The following RNF144B variants were observed in gnomAD, a reference collection of about 807,000 sequenced individuals.
RNF144B encodes ring finger protein 144B, also known as E3 ubiquitin-protein ligase RNF144B.
A neutral mutation model predicts 40.2 loss-of-function variants in RNF144B; 25 were observed. The observed-to-expected ratio is 0.62, with a 90% CI of 0.45 to 0.87. The LOEUF is 0.87. RNF144B is among the 40% of genes least tolerant of loss of function. The pLI, the probability that RNF144B is intolerant of heterozygous loss-of-function variation, is 0.00. For missense variants in RNF144B, 365 were observed against 373.7 expected (o/e 0.98, Z 0.19); for synonymous variants, 145 against 136.3 (o/e 1.06, Z -0.44).
intron 2 of RNF144B, among the ~76,000 whole-genome samples, chr6:18,421,107 G>A (rs1795249151): frequency 6.6e-6 from 1 of 151,784 alleles, no homozygotes; most frequent in Non-Finnish European, 1.5e-5. Flanking sequence ...ATACAAAATA[G>A]CCTGGCATGG....
Position 18,410,814 on chromosome 6 carries a change from T to A in RNF144B, c.165+11115T>A, listed in dbSNP as rs755342033. On this transcript the variant is annotated intron_variant, in intron 2 of 7. Transcript: ENST00000259939. This position sits in a 1 kb window ranked among gnomAD's most constrained non-coding sequence, Gnocchi z 4.6. Reference sequence around the variant, plus strand: ...AGGCTGGAGCAGGAGGAGGGAACCATGGCAGGCTGAAGCAGAGCTCGGAGA... The same window carrying A: ...AGGCTGGAGCAGGAGGAGGGAACCAAGGCAGGCTGAAGCAGAGCTCGGAGA... Among the ~76,000 whole-genome samples, 1 of 152,150 alleles carries A rather than the reference T, an allele frequency of 6.6e-6. No homozygotes were observed. The highest frequency in any genetic ancestry group is 1.5e-5 in the Non-Finnish European group (1 of 68,028).
intron 1 of RNF144B, among the ~76,000 whole-genome samples, chr6:18,394,372 G>T (rs995682179): frequency 3.3e-5 from 5 of 152,124 alleles, no homozygotes; most frequent in African/African-American, 4.8e-5. Flanking sequence ...GGCCGAGGTG[G>T]GCGGATCATG....
At chr6:18,408,895 T>G (rs1213496234) in intron 2 of RNF144B, among the ~76,000 whole-genome samples, 1 of 152,072 alleles carries the variant, frequency 6.6e-6, no homozygotes, top group Non-Finnish European at 1.5e-5. Flanking sequence ...TGAATTATTA[T>G]TTTTCTTCTG....
chr6:18,405,177 GTTA>G lies in RNF144B; in HGVS notation c.165+5487_165+5489del, dbSNP rs1562041964. Among the ~76,000 whole-genome samples, 1 of 53,192 alleles carries G rather than the reference GTTA, an allele frequency of 1.9e-5. No homozygotes were observed. Among genetic ancestry groups the G allele is most frequent in the Non-Finnish European group, 4.2e-5 (1 of 24,002 alleles). The allele number at this position is 53,192 out of a possible 152,430, so 34.9% of individuals were successfully genotyped here. A position where few individuals can be genotyped will look rare whatever the true frequency, so the allele number is the denominator to read the frequency against. On this transcript the variant is annotated intron_variant, in intron 2 of 7. Coordinates refer to ENST00000259939, the MANE Select transcript of RNF144B (RefSeq NM_182757.4). This position sits in a 1 kb window ranked among gnomAD's most constrained non-coding sequence, Gnocchi z 4.5. ...TATTATTATTATTATTATTATTATTGTTATTATTATTTTTGAGATGGAGTCTTG... is the reference window on the plus strand; with the variant it reads ...TATTATTATTATTATTATTATTATTGTTATTATTTTTGAGATGGAGTCTTG...
chr6:18,387,451 C>G lies in RNF144B; in HGVS notation c.-216C>G. ...CTCCGCCTCCTCCCGACCCGTAGGT[C>G]TGGGAGCGCAAGTCCTGTTGCAGTC... is the stretch of plus-strand genomic sequence containing the variant. On this transcript the variant is annotated 5_prime_UTR_variant, in exon 1 of 8. Coordinates refer to ENST00000259939, the MANE Select transcript of RNF144B (RefSeq NM_182757.4). 3 of 1,237,578 alleles carry G rather than the reference C, an allele frequency of 2.4e-6. No individual in the cohort carries two copies. Among genetic ancestry groups the G allele is most frequent in the Non-Finnish European group, 3.1e-6 (3 of 959,050 alleles). The allele number at this position is 1,237,578 out of a possible 1,614,324, so 76.7% of individuals were successfully genotyped here.
chr6:18,405,370 T>C lies in RNF144B; in HGVS notation c.165+5671T>C, dbSNP rs1794882714. The stretch of plus-strand genomic sequence containing the variant: ...TTTTGTATTTTTAGTTGAGTTGGGG[T>C]TTCACTATGTAGGTCAGGCTGGTCT... On this transcript the variant is annotated intron_variant, in intron 2 of 7. Transcript: ENST00000259939. This position sits in a 1 kb window ranked among gnomAD's most constrained non-coding sequence, Gnocchi z 4.5. 6.6e-6 allele frequency among the ~76,000 whole-genome samples: 1 copy of C among 151,906 alleles called. No homozygotes were observed.
At chr6:18,393,329 A>G (rs972538937) in intron 1 of RNF144B, among the ~76,000 whole-genome samples, 1 of 152,140 alleles carries the variant, frequency 6.6e-6, no homozygotes, top group Non-Finnish European at 1.5e-5. Context: ...GCAAGCGGAG[A>G]GTAGAGCTAC....
chr6:18,438,771 G>A (rs929149298), intron 3 of RNF144B, among the ~76,000 whole-genome samples: 6 of 152,136 alleles, frequency 3.9e-5, no homozygotes, highest in African/African-American at 1.4e-4. Flanking sequence ...AGTTGGAGTT[G>A]TCAGGGCTAA....
At chr6:18,396,314 T>G in intron 1 of RNF144B, 1 of 824,718 alleles carries the variant, frequency 1.2e-6, no homozygotes, top group Non-Finnish European at 1.5e-6. Flanking sequence ...GAATCCAATA[T>G]GTCTTTCAAG....
intron 2 of RNF144B, among the ~76,000 whole-genome samples, chr6:18,423,669 A>G (rs1445920521): frequency 1.3e-5 from 2 of 152,150 alleles, no homozygotes; most frequent in East Asian, 3.9e-4. Flanking sequence ...GTTGGAAGAG[A>G]CAATATGAGT....
rs772676832 is a variant in RNF144B, at chr6:18,463,395, T to C, written c.771+15T>C. ...ACCGAACACAGGTACCCTGACCTTA[T>C]AGGGAGCGTGACATAAACCAAAATC... On this transcript the variant is annotated intron_variant, in intron 7 of 7. Coordinates refer to ENST00000259939, the MANE Select transcript of RNF144B (RefSeq NM_182757.4). 4.5e-6 allele frequency: 7 copies of C among 1,550,900 alleles called. No individual in the cohort carries two copies. Among genetic ancestry groups the C allele is most frequent in the Non-Finnish European group, 6.2e-6 (7 of 1,122,348 alleles).
At position 18,465,284 on chromosome 6, in the gene RNF144B, G is replaced by A. The variant is rs1759552231; in HGVS notation, c.*217G>A. 1.8e-6 allele frequency: 1 copy of A among 564,962 alleles called. No homozygotes were observed. Among genetic ancestry groups the A allele is most frequent in the East Asian group, 2.9e-5 (1 of 34,768 alleles). 35.0% of individuals were successfully genotyped at this position (564,962 alleles called of 1,614,324 possible). ...AAGAACTGGGCTCAACGGTCCAGCT[G>A]TTTCTATGGAGCTTTGGGGTTCCTT... On this transcript the variant is annotated 3_prime_UTR_variant, in exon 8 of 8. Coordinates refer to ENST00000259939, the MANE Select transcript of RNF144B (RefSeq NM_182757.4).
rs769485417 is a variant in RNF144B at position 18,467,139 on chromosome 6, C to T, written c.*2072C>T. 13 of 152,692 alleles carry T rather than the reference C, an allele frequency of 8.5e-5. No homozygotes were observed. The highest frequency in any genetic ancestry group is 4.1e-4 in the South Asian group (2 of 4,822). 9.5% of individuals were successfully genotyped at this position (152,692 alleles called of 1,614,324 possible). ...GCATTTATAACTGCTCAGGGGATTA[C>T]GAGAACTCAACTGAAACTGAATTTT... On this transcript the variant is annotated 3_prime_UTR_variant, in exon 8 of 8. Coordinates refer to ENST00000259939, the MANE Select transcript of RNF144B (RefSeq NM_182757.4).
At position 18,457,289 on chromosome 6, in the gene RNF144B, TG is replaced by T; in HGVS notation, c.467del (p.Cys156SerfsTer54). ...TTGCCACCTGAAATTCTGCTCGTGT[TG>T]CAAGGATGCTTGGCATGCAGAGGTC... ...PSCHLKFCSC[C>X]KDAWHAEVSC... On this transcript the variant is annotated frameshift_variant, in exon 5 of 8. Coordinates refer to ENST00000259939, the MANE Select transcript of RNF144B (RefSeq NM_182757.4). LOFTEE classifies it high-confidence loss of function. This position sits in a 1 kb window ranked among gnomAD's most constrained non-coding sequence, Gnocchi z 5.1. 2 of 1,614,202 alleles carry T rather than the reference TG, an allele frequency of 1.2e-6. No homozygotes were observed. The highest frequency in any genetic ancestry group is 8.5e-7 in the Non-Finnish European group (1 of 1,180,022).
In RNF144B at chr6:18,458,355, G is replaced by A. The variant is rs546281354; in HGVS notation, c.536+996G>A. Among the ~76,000 whole-genome samples, 1 of 152,296 alleles carries A rather than the reference G, an allele frequency of 6.6e-6. No individual in the cohort carries two copies. Among genetic ancestry groups the A allele is most frequent in the African/African-American group, 2.4e-5 (1 of 41,552 alleles). ...TCAGCAAGAACAAAATACGAGTGTT[G>A]TAATCCCATTGGCTTAATCACACAG... On this transcript the variant is annotated intron_variant, in intron 5 of 7. Coordinates refer to ENST00000259939, the MANE Select transcript of RNF144B (RefSeq NM_182757.4). The surrounding 1 kb of genome is among the most constrained non-coding windows in gnomAD (Gnocchi z 4.8).
rs925691579 is a variant in RNF144B, at chr6:18,395,914, A to C, written c.-36-3585A>C. On this transcript the variant is annotated intron_variant, in intron 1 of 7. Transcript: ENST00000259939. The surrounding 1 kb of genome is among the most constrained non-coding windows in gnomAD (Gnocchi z 4.5). Reference sequence around the variant, plus strand: ...TGGTGTTATTGTACACAGAAAAATAAATCACTTTTTGAAGAATCATTTTGG... The same window carrying C: ...TGGTGTTATTGTACACAGAAAAATACATCACTTTTTGAAGAATCATTTTGG... 6.6e-6 allele frequency among the ~76,000 whole-genome samples: 1 copy of C among 152,236 alleles called. No homozygotes were observed. The highest frequency in any genetic ancestry group is 1.5e-5 in the Non-Finnish European group (1 of 68,038).
At chr6:18,396,773 G>A in intron 1 of RNF144B, 1 of 985,410 alleles carries the variant, frequency 1.0e-6, no homozygotes, top group Non-Finnish European at 1.2e-6. Flanking sequence ...GAGTACTGGA[G>A]ACGCAAGCTG....
Position 18,408,187 on chromosome 6 carries a change from G to A in RNF144B, c.165+8488G>A, listed in dbSNP as rs189245921. Among the ~76,000 whole-genome samples the A allele has an allele frequency of 1.5e-3, 221 of 152,078 alleles. 1 individual carries two copies. Among genetic ancestry groups the A allele is most frequent in the African/African-American group, 5.0e-3 (207 of 41,482 alleles). Reference sequence around the variant, plus strand: ...TTTAATAGAGATGGGGTTTCACCATGTTGGTCAGCCTGGTCTGGAACTCCT... The same window carrying A: ...TTTAATAGAGATGGGGTTTCACCATATTGGTCAGCCTGGTCTGGAACTCCT... On this transcript the variant is annotated intron_variant, in intron 2 of 7. Transcript: ENST00000259939.
intron 2 of RNF144B, among the ~76,000 whole-genome samples, chr6:18,408,286 G>A (rs1276056153): frequency 2.0e-5 from 3 of 152,082 alleles, no homozygotes; most frequent in Non-Finnish European, 4.4e-5. Context: ...TACCCAGCTT[G>A]AGATTTTTCT....
Sources: gnomAD v4.1 joint callset for allele counts (sites outside exome capture counted in the v4.1 genomes callset) on GRCh38, gnomAD v4.1.1 for gene constraint, Gnocchi (gnomAD v3.1) non-coding constraint, MANE v1.5 for transcripts, NCBI Gene and HGNC (gene_info 2026-07-23, HGNC 2026-07-21) for gene names.